TBC1D20: variants seen among roughly 807,000 people sequenced by gnomAD.
TBC1D20 encodes chromosome 20 open reading frame 140.
A neutral mutation model predicts 41.6 loss-of-function variants in TBC1D20; 12 were observed. That is an observed-to-expected ratio of 0.29 (90% confidence interval 0.18 to 0.47). TBC1D20 has a LOEUF of 0.47. Among genes scored for constraint, TBC1D20 ranks in the 20% least tolerant of loss-of-function variants. TBC1D20 has a pLI of 1.00. For missense variants in TBC1D20, 421 were observed against 517.4 expected, an observed-to-expected ratio of 0.81 and a Z score of 1.81; for synonymous variants, 205 against 204.8, an observed-to-expected ratio of 1.00 and a Z score of -0.01.
At chr20:459,662 T>C (rs1201275781) in intron 1 of TBC1D20, among the ~76,000 whole-genome samples, 1 of 152,182 alleles carries the variant, frequency 6.6e-6, no homozygotes, top group Non-Finnish European at 1.5e-5. Flanking sequence ...TTTATTTATT[T>C]ATAAAGAGGG....
chr20:436,304 T>G lies in TBC1D20; in HGVS notation c.*2282A>C, dbSNP rs2017117277. Reference sequence around the variant, plus strand: ...GTGATTAGTAACCACATATGGCTGTTTATTTGATACAGGGCTCTGTACAAA... The same window carrying G: ...GTGATTAGTAACCACATATGGCTGTGTATTTGATACAGGGCTCTGTACAAA... On this transcript the variant is annotated 3_prime_UTR_variant, in exon 8 of 8. Transcript: ENST00000354200. 6.6e-6 allele frequency: 1 copy of G among 152,228 alleles called. No homozygotes were observed. The highest frequency in any genetic ancestry group is 1.5e-5 in the Non-Finnish European group (1 of 68,052). The allele number at this position is 152,228 out of a possible 1,614,324, so 9.4% of individuals were successfully genotyped here.
chr20:438,574 C>A lies in TBC1D20; in HGVS notation c.*12G>T, dbSNP rs991480551. ...CCTTAATGTGATGTAAGAGGAAGGT[C>A]TTCTCTGGCTTTCAGGGAAACAGCT... On this transcript the variant is annotated 3_prime_UTR_variant, in exon 8 of 8. Transcript: ENST00000354200. 1 of 1,613,002 alleles carries A rather than the reference C, an allele frequency of 6.2e-7. No individual in the cohort carries two copies. The highest frequency in any genetic ancestry group is 8.5e-7 in the Non-Finnish European group (1 of 1,179,102).
At chr20:450,302 C>A (rs2017421585) in intron 1 of TBC1D20, among the ~76,000 whole-genome samples, 1 of 151,836 alleles carries the variant, frequency 6.6e-6, no homozygotes, top group African/African-American at 2.4e-5. Context: ...GCATGCACCA[C>A]CACGCTTTGC....
chr20:440,114 G>A, intron 6 of TBC1D20, 134 bp downstream of exon 6: 5 of 1,153,926 alleles, frequency 4.3e-6, no homozygotes, highest in Non-Finnish European at 6.1e-6. Flanking sequence ...GCACAGAATG[G>A]TGTCCAGGGA....
In TBC1D20 at chr20:439,512, A is replaced by G. The variant is rs2017186019; in HGVS notation, c.769-217T>C. On this transcript the variant is annotated intron_variant, in intron 6 of 7. Coordinates refer to ENST00000354200, the MANE Select transcript of TBC1D20 (RefSeq NM_144628.4). This position sits in a 1 kb window ranked among gnomAD's most constrained non-coding sequence, Gnocchi z 4.6. ...CCTTCCTGCAAACTTCCACCACATGACATGAAAGGCTGACCAGTTACAATC... is the reference window on the plus strand; with the variant it reads ...CCTTCCTGCAAACTTCCACCACATGGCATGAAAGGCTGACCAGTTACAATC... Among the ~76,000 whole-genome samples, 1 of 152,186 alleles carries G rather than the reference A, an allele frequency of 6.6e-6. No individual in the cohort carries two copies. The highest frequency in any genetic ancestry group is 1.5e-5 in the Non-Finnish European group (1 of 68,020).
rs763627567 is a variant in TBC1D20 at position 440,268 on chromosome 20, G to C, written c.748C>G (p.Pro250Ala). The C allele has an allele frequency of 6.2e-7, 1 of 1,613,450 alleles. No homozygotes were observed. The highest frequency in any genetic ancestry group is 8.5e-7 in the Non-Finnish European group (1 of 1,179,744). The stretch of plus-strand genomic sequence containing the variant: ...CCTACCACGGCTGCAAAGTAAATCG[G>C]CATCAGTGGGTGGCAGGCCAGGAAG... ...DFFLACHPLM[P>A]IYFAAVIVLY... Residue 250 changes from proline (P) to alanine (A), a missense_variant, in exon 6 of 8, where the codon CCG becomes GCG. Transcript: ENST00000354200.
chr20:461,614 G>A (rs151191026), intron 1 of TBC1D20, among the ~76,000 whole-genome samples: 1 of 152,292 alleles, frequency 6.6e-6, no homozygotes, highest in African/African-American at 2.4e-5. Flanking sequence ...CTCCAACCAT[G>A]GCCTCCCAAA....
chr20:461,759 G>A (rs1396433726), intron 1 of TBC1D20, among the ~76,000 whole-genome samples: 1 of 152,278 alleles, frequency 6.6e-6, no homozygotes. Context: ...GGAACGCGGA[G>A]TGCCTATTAA....
At position 446,233 on chromosome 20, in the gene TBC1D20, C is replaced by G. The variant is rs552560522; in HGVS notation, c.257-1103G>C. Among the ~76,000 whole-genome samples the G allele has an allele frequency of 1.4e-4, 21 of 152,330 alleles. 1 individual carries two copies. Among genetic ancestry groups the G allele is most frequent in the African/African-American group, 5.1e-4 (21 of 41,574 alleles). On this transcript the variant is annotated intron_variant, in intron 2 of 7. Transcript: ENST00000354200. ...GACTTTTACTATTTTGAACTTCATT[C>G]CAAGGAACTCTTTTCACCACATGGG... is the stretch of plus-strand genomic sequence containing the variant.
In TBC1D20 at chr20:437,460, A is replaced by G. The variant is rs1272602020; in HGVS notation, c.*1126T>C. The stretch of plus-strand genomic sequence containing the variant: ...CTTACAGGGAAGCTGTCCCAGAAGG[A>G]CTGAGTGATGCCTCTTGTTCCCTAA... On this transcript the variant is annotated 3_prime_UTR_variant, in exon 8 of 8. Transcript: ENST00000354200. 6.6e-6 allele frequency: 1 copy of G among 152,612 alleles called. No individual in the cohort carries two copies. The highest frequency in any genetic ancestry group is 1.5e-5 in the Non-Finnish European group (1 of 68,046). 9.5% of individuals were successfully genotyped at this position (152,612 alleles called of 1,614,324 possible).
At chr20:461,518 C>G (rs2017629510) in intron 1 of TBC1D20, among the ~76,000 whole-genome samples, 1 of 152,156 alleles carries the variant, frequency 6.6e-6, no homozygotes, top group Non-Finnish European at 1.5e-5. Context: ...AGCCTCCACA[C>G]CCGACTAACT....
chr20:453,539 CATTTTTTTTTTT>C (rs2017488777), intron 1 of TBC1D20, among the ~76,000 whole-genome samples: 1 of 109,726 alleles, frequency 9.1e-6, no homozygotes, highest in Non-Finnish European at 1.7e-5. Context: ...TGTAATCCAG[CATTTTTTTTTTT>C]TTTTTTTTTT....
In TBC1D20 at chr20:438,656, G is replaced by A; in HGVS notation, c.1142C>T (p.Ala381Val). Residue 381 changes from alanine to valine, a missense_variant, in exon 8 of 8, where the codon GCG (alanine) becomes GTG (valine). Physicochemically the swap from Ala to Val is moderately conservative, Grantham distance 64. Transcript: ENST00000354200. ...AVMGLTVALG[A>V]AALAVVKSAL... ...ACTTTTCACCACAGCCAGTGCAGCC[G>A]CTCCAAGTGCCACTGTCAGCCCCAT... The A allele has an allele frequency of 1.9e-6, 3 of 1,614,148 alleles. No individual in the cohort carries two copies. Among genetic ancestry groups the A allele is most frequent in the East Asian group, 2.2e-5 (1 of 44,884 alleles).
intron 2 of TBC1D20, among the ~76,000 whole-genome samples, chr20:445,403 C>G (rs1453957173): frequency 1.3e-5 from 2 of 152,144 alleles, no homozygotes; most frequent in Non-Finnish European, 2.9e-5. Context: ...CGTAAGGAGG[C>G]CAGGCGCCTC....
At chr20:461,312 A>C (rs2017625008) in intron 1 of TBC1D20, among the ~76,000 whole-genome samples, 1 of 152,232 alleles carries the variant, frequency 6.6e-6, no homozygotes, top group African/African-American at 2.4e-5. Flanking sequence ...GATTTCACAG[A>C]AATTGTCCAA....
rs556998000 is a variant in TBC1D20, at chr20:457,332, C to T, written c.70+5004G>A. Among the ~76,000 whole-genome samples, 6 of 152,258 alleles carry T rather than the reference C, an allele frequency of 3.9e-5. No individual in the cohort carries two copies. In the South Asian group the frequency reaches 1.0e-3, roughly 26 times the overall value. On this transcript the variant is annotated intron_variant, in intron 1 of 7. Coordinates refer to ENST00000354200, the MANE Select transcript of TBC1D20 (RefSeq NM_144628.4). ...CAATCATAGCTCACTGCAGCCTCAA[C>T]CTCTAGGGCTCAAGCGATCCTTCCA... is the stretch of plus-strand genomic sequence containing the variant.
chr20:447,544 G>A lies in TBC1D20; in HGVS notation c.256+345C>T, dbSNP rs1000990509. 6.7e-4 allele frequency among the ~76,000 whole-genome samples: 102 copies of A among 152,112 alleles called. 1 individual carries two copies. Among genetic ancestry groups the A allele is most frequent in the African/African-American group, 2.2e-3 (93 of 41,512 alleles). On this transcript the variant is annotated intron_variant, in intron 2 of 7. Coordinates refer to ENST00000354200, the MANE Select transcript of TBC1D20 (RefSeq NM_144628.4). ...ATGGTAGCGCATGTCTGTAATCCCA[G>A]CTACTAGGAAGGCTGAGGCAGGAAA...
At chr20:451,064 A>T (rs2017433207) in intron 1 of TBC1D20, among the ~76,000 whole-genome samples, 1 of 152,246 alleles carries the variant, frequency 6.6e-6, no homozygotes, top group Non-Finnish European at 1.5e-5. Flanking sequence ...GTCACAAGGC[A>T]GTAGACTATA....
intron 1 of TBC1D20, 73 bp downstream of exon 1, chr20:462,263 G>C (rs1334273588): frequency 1.8e-6 from 2 of 1,090,906 alleles, no homozygotes; most frequent in Non-Finnish European, 2.3e-6. Context: ...CTCCGGCGCC[G>C]CCTCCGCCAG....
Sources: allele counts gnomAD v4.1 joint callset (sites outside exome capture counted in the v4.1 genomes callset), GRCh38; gene constraint gnomAD v4.1.1; non-coding constraint Gnocchi (gnomAD v3.1); transcripts MANE v1.5; gene names NCBI Gene and HGNC (gene_info 2026-07-23, HGNC 2026-07-21).